The following TRPM4 variants were observed in gnomAD, a reference collection of about 807,000 sequenced individuals.
TRPM4 encodes the protein transient receptor potential cation channel subfamily M member 4, also known as calcium-activated non-selective cation channel 1.
TRPM4 carries 124 observed loss-of-function variants against 135.6 expected under a neutral mutation model. That is an observed-to-expected ratio of 0.91 (90% CI 0.79 to 1.06). The LOEUF is 1.06. Among genes scored for constraint, TRPM4 ranks in the 50% least tolerant of loss-of-function variants. TRPM4 has a pLI of 0.00. For synonymous variants in TRPM4, 745 were observed against 705.6 expected (o/e 1.06, Z -0.88); for missense variants, 1,658 against 1,671.4 (o/e 0.99, Z 0.14).
At chr19:49,193,283 G>A (rs997160645) in intron 16 of TRPM4, among the ~76,000 whole-genome samples, 1 of 151,878 alleles carries the variant, frequency 6.6e-6, no homozygotes, top group Non-Finnish European at 1.5e-5. Context: ...GGGTTTCCCC[G>A]TGTTAGCCAG....
intron 9 of TRPM4, among the ~76,000 whole-genome samples, chr19:49,174,201 G>A (rs988752677): frequency 2.0e-5 from 3 of 152,106 alleles, no homozygotes; most frequent in Admixed American, 6.5e-5. Flanking sequence ...CGCCCAGGCT[G>A]GAGTGCAGTG....
intron 16 of TRPM4, among the ~76,000 whole-genome samples, chr19:49,194,109 A>G (rs776284942): frequency 5.3e-5 from 2 of 38,044 alleles, no homozygotes; most frequent in Non-Finnish European, 1.2e-4. Flanking sequence ...CCTTCTCCTC[A>G]TCCTACTTCT....
chr19:49,200,884 G>A, intron 19 of TRPM4, 99 bp downstream of exon 19: 1 of 1,320,690 alleles, frequency 7.6e-7, no homozygotes, highest in African/African-American at 1.5e-5. Flanking sequence ...GTCTCTCTGA[G>A]TCTCTGTCTC....
Position 49,210,821 on chromosome 19 carries a change from G to C in TRPM4, c.3440G>C (p.Arg1147Pro). 1 of 1,612,582 alleles carries C rather than the reference G, an allele frequency of 6.2e-7. No homozygotes were observed. Among genetic ancestry groups the C allele is most frequent in the Non-Finnish European group, 8.5e-7 (1 of 1,179,598 alleles). ...GACAAGCGGGAGAGCGACTCCGAGCGTCTGAAGCGCACGTCCCAGAAGTGA... is the reference window on the plus strand; with the variant it reads ...GACAAGCGGGAGAGCGACTCCGAGCCTCTGAAGCGCACGTCCCAGAAGTGA... ...ARDKRESDSE[R>P]LKRTSQKVDL... The change falls in exon 22 of 25, where the codon CGT (arginine) becomes CCT (proline). Residue 1147 changes from arginine (R) to proline (P), a missense_variant. Transcript: ENST00000252826. This position sits in a 1 kb window ranked among gnomAD's most constrained non-coding sequence, Gnocchi z 4.1.
intron 9 of TRPM4, 24 bp from the exon 10 acceptor site, chr19:49,181,325 C>A: frequency 6.4e-7 from 1 of 1,568,438 alleles, no homozygotes; most frequent in Non-Finnish European, 8.8e-7. Context: ...GACTTCTTGT[C>A]CCCTCTCCCT....
rs752291667 is a variant in TRPM4, at chr19:49,193,988, TCTC to T, written c.2211-2448_2211-2446del. ...TACTCATCCTCCTCCTCTTCCTCCT[TCTC>T]CTCATCCTCTTTCTCTTCCTCCTCC... On this transcript the variant is annotated intron_variant, in intron 16 of 24. Coordinates refer to ENST00000252826, the MANE Select transcript of TRPM4 (RefSeq NM_017636.4). 4.2e-4 allele frequency among the ~76,000 whole-genome samples: 53 copies of T among 125,564 alleles called. 1 individual carries two copies. Among genetic ancestry groups the T allele is most frequent in the East Asian group, 1.5e-3 (6 of 3,994 alleles). 82.4% of individuals were successfully genotyped at this position (125,564 alleles called of 152,430 possible).
chr19:49,165,956 C>T (rs181317878), intron 2 of TRPM4, 85 bp from the exon 3 acceptor site: 1 of 1,363,494 alleles, frequency 7.3e-7, no homozygotes, highest in Non-Finnish European at 1.0e-6. Context: ...TGTCGACAGC[C>T]CCCTCTACAG....
intron 16 of TRPM4, among the ~76,000 whole-genome samples, chr19:49,192,478 C>T (rs976280253): frequency 1.3e-5 from 2 of 152,076 alleles, no homozygotes; most frequent in Non-Finnish European, 2.9e-5. Context: ...AGAGAGGATA[C>T]AAAATATTTA....
intron 9 of TRPM4, 53 bp downstream of exon 9, chr19:49,172,161 C>G: frequency 4.4e-6 from 6 of 1,366,366 alleles, no homozygotes; most frequent in Non-Finnish European, 6.3e-6. Context: ...CCTTAGACAC[C>G]TTTCCTGGCC....
At chr19:49,192,423 A>G (rs1369818545) in intron 16 of TRPM4, among the ~76,000 whole-genome samples, 2 of 152,214 alleles carry the variant, frequency 1.3e-5, no homozygotes, top group Non-Finnish European at 2.9e-5. Context: ...GATTACAGGC[A>G]TGAGCCACCA....
Position 49,166,197 on chromosome 19 carries a change from CG to C in TRPM4, c.251del (p.Gly84AlafsTer194). On this transcript the variant is annotated frameshift_variant, in exon 3 of 25. Transcript: ENST00000252826. LOFTEE classifies it high-confidence loss of function. Reference protein sequence around the residue: ...AYGELDFTGAGRKHSNFLRLS... With the variant: ...AYGELDFTGAXRKHSNFLRLS... The stretch of plus-strand genomic sequence containing the variant: ...ACGGAGAGCTGGACTTCACGGGGGC[CG>C]GCCGCAAGCACAGCAATGTGAGGCG... The C allele has an allele frequency of 6.2e-7, 1 of 1,606,214 alleles. No individual in the cohort carries two copies.
chr19:49,209,584 A>G (rs1969272803), intron 20 of TRPM4, among the ~76,000 whole-genome samples: 1 of 151,986 alleles, frequency 6.6e-6, no homozygotes, highest in South Asian at 2.1e-4. Flanking sequence ...TATTTCGGTA[A>G]GGTCAGTAGT....
chr19:49,211,750 T>C lies in TRPM4; in HGVS notation c.*252T>C. On this transcript the variant is annotated 3_prime_UTR_variant, in exon 25 of 25. Coordinates refer to ENST00000252826, the MANE Select transcript of TRPM4 (RefSeq NM_017636.4). This position sits in a 1 kb window ranked among gnomAD's most constrained non-coding sequence, Gnocchi z 4.8. ...CCCGGGCCGTTATCCATCTGGAGGCTGCAGGGTCCTTGGGGTAACAGGGAC... is the reference window on the plus strand; with the variant it reads ...CCCGGGCCGTTATCCATCTGGAGGCCGCAGGGTCCTTGGGGTAACAGGGAC... The C allele has an allele frequency of 1.7e-6, 1 of 594,780 alleles. No individual in the cohort carries two copies. Among genetic ancestry groups the C allele is most frequent in the Non-Finnish European group, 3.0e-6 (1 of 333,840 alleles). The allele number at this position is 594,780 out of a possible 1,614,324, so 36.8% of individuals were successfully genotyped here.
intron 14 of TRPM4, 89 bp downstream of exon 14, chr19:49,189,180 T>G: frequency 1.9e-6 from 3 of 1,567,016 alleles, no homozygotes; most frequent in South Asian, 1.1e-5. Context: ...GGAACATCTA[T>G]GGTCTTGACC....
intron 20 of TRPM4, among the ~76,000 whole-genome samples, chr19:49,205,605 G>C (rs1450307072): frequency 7.2e-6 from 1 of 139,040 alleles, no homozygotes; most frequent in South Asian, 2.3e-4. Context: ...GCGTGATCTC[G>C]GCTCACTGCA....
chr19:49,196,810 G>A lies in TRPM4; in HGVS notation c.2581G>A (p.Ala861Thr). Reference protein sequence around the residue: ...SLSQRLRLYLADSWNQCDLVA... With the variant: ...SLSQRLRLYLTDSWNQCDLVA... ...GAGCCAGCGCCTGCGCCTCTACCTC[G>A]CCGACAGCTGGAACCAGTGCGACCT... is the stretch of plus-strand genomic sequence containing the variant. Residue 861 changes from alanine to threonine, a missense_variant, in exon 17 of 25, where the codon GCC (alanine) becomes ACC (threonine). Physicochemically the swap from Ala to Thr is moderately conservative, Grantham distance 58. Transcript: ENST00000252826. 1 of 1,587,526 alleles carries A rather than the reference G, an allele frequency of 6.3e-7. No homozygotes were observed. Among genetic ancestry groups the A allele is most frequent in the Non-Finnish European group, 8.5e-7 (1 of 1,174,384 alleles).
Position 49,172,054 on chromosome 19 carries a change from T to G in TRPM4, c.1096T>G (p.Ser366Ala). The part of the protein sequence containing the change: ...TRKELLTVYS[S>A]EDGSEEFETI... Reference sequence around the variant, plus strand: ...GAAGGAGCTCCTGACAGTCTATTCTTCTGAGGATGGGTCTGAGGAATTCGA... The same window carrying G: ...GAAGGAGCTCCTGACAGTCTATTCTGCTGAGGATGGGTCTGAGGAATTCGA... Residue 366 changes from serine (S) to alanine (A), a missense_variant, in exon 9 of 25, where the codon TCT becomes GCT. Transcript: ENST00000252826. The G allele has an allele frequency of 6.2e-7, 1 of 1,614,102 alleles. No individual in the cohort carries two copies. The highest frequency in any genetic ancestry group is 8.5e-7 in the Non-Finnish European group (1 of 1,179,986).
chr19:49,201,997 A>G lies in TRPM4; in HGVS notation c.2987A>G (p.Glu996Gly), dbSNP rs567000305. Residue 996 changes from glutamate to glycine, a missense_variant, in exon 20 of 25, where the codon GAG (glutamate) becomes GGG (glycine). Physicochemically the swap from Glu to Gly is moderately conservative, Grantham distance 98. Around this residue, in one of 3 missense-constraint regions of TRPM4, gnomAD observed 1,412 missense variants for 1,408.7 expected, o/e 1.00. Transcript: ENST00000252826. ...ALMEHSNCSS[E>G]PGFWAHPPGA... ...ATGGAGCACAGCAACTGCTCGTCGG[A>G]GCCCGGCTTCTGGGCACACCCTCCT... The G allele has an allele frequency of 1.9e-6, 3 of 1,613,566 alleles. No individual in the cohort carries two copies. The highest frequency in any genetic ancestry group is 2.5e-6 in the Non-Finnish European group (3 of 1,180,022).
In TRPM4 at chr19:49,210,795, G is replaced by C; in HGVS notation, c.3414G>C (p.Arg1138Ser). ...HKENFLLARA[R>S]DKRESDSERL... ...AGAACTTTCTGCTGGCACGCGCTAGGGACAAGCGGGAGAGCGACTCCGAGC... is the reference window on the plus strand; with the variant it reads ...AGAACTTTCTGCTGGCACGCGCTAGCGACAAGCGGGAGAGCGACTCCGAGC... The change falls in exon 22 of 25, where the codon AGG becomes AGC. Residue 1138 changes from arginine to serine, a missense_variant. By Grantham distance (110) the Arg-to-Ser change is moderately radical (BLOSUM62 -1). This residue lies in a region of TRPM4 where 1,412 missense variants were observed against 1,408.7 expected (regional missense o/e 1.00). Coordinates refer to ENST00000252826, the MANE Select transcript of TRPM4 (RefSeq NM_017636.4). This position sits in a 1 kb window ranked among gnomAD's most constrained non-coding sequence, Gnocchi z 4.1. 6.2e-7 allele frequency: 1 copy of C among 1,613,876 alleles called. No individual in the cohort carries two copies. The highest frequency in any genetic ancestry group is 1.1e-5 in the South Asian group (1 of 90,956).
Sources: allele counts gnomAD v4.1 joint callset (sites outside exome capture counted in the v4.1 genomes callset), GRCh38; gene constraint gnomAD v4.1.1; regional missense constraint gnomAD v4.1.1; non-coding constraint Gnocchi (gnomAD v3.1); transcripts MANE v1.5; gene names NCBI Gene and HGNC (gene_info 2026-07-23, HGNC 2026-07-21).